Variants in CKAP5 observed in about 807,000 individuals in gnomAD.
CKAP5 encodes cytoskeleton associated protein 5.
Under a neutral mutation model 232.8 loss-of-function variants are expected in CKAP5, and 27 were observed. The ratio of observed to expected loss-of-function variants is 0.12; its 90% CI spans 0.09 to 0.16. CKAP5 has a LOEUF of 0.16. Ranked by LOEUF, CKAP5 falls within the 10% of genes least tolerant of loss-of-function variation. The probability of loss-of-function intolerance (pLI) is 1.00; values close to 1 mark genes in which losing one functional copy is unlikely to be tolerated. For synonymous variants in CKAP5, 785 were observed against 841.1 expected, an observed-to-expected ratio of 0.93 and a Z score of 1.16; for missense variants, 1,838 against 2,424.7, an observed-to-expected ratio of 0.76 and a Z score of 5.08.
At chr11:46,814,884 C>T (rs1251413974) in intron 4 of CKAP5, among the ~76,000 whole-genome samples, 2 of 152,170 alleles carry the variant, frequency 1.3e-5, no homozygotes, top group Admixed American at 6.5e-5. Context: ...CTTTAGTCCA[C>T]AAACTTTATC....
chr11:46,745,365 G>A (rs1455365781), intron 42 of CKAP5, among the ~76,000 whole-genome samples: 4 of 152,136 alleles, frequency 2.6e-5, no homozygotes, highest in Non-Finnish European at 1.5e-5. Flanking sequence ...TCCTCTGAGG[G>A]GGTGAAAAAT....
chr11:46,770,888 T>C lies in CKAP5; in HGVS notation c.3086A>G (p.Asp1029Gly). Residue 1029 changes from aspartate to glycine, a missense_variant, in exon 25 of 44, where the codon GAT becomes GGT. This residue lies in a region of CKAP5 where 767 missense variants were observed against 954.6 expected (regional missense o/e 0.80). Transcript: ENST00000529230. ...CVPHLYSCLE[D>G]RNGDVRKKAQ... Reference sequence around the variant, plus strand: ...CTTCTTTCGCACATCTCCATTTCGATCTTCTAGGCAGGAGTAGAGATGAGG... The same window carrying C: ...CTTCTTTCGCACATCTCCATTTCGACCTTCTAGGCAGGAGTAGAGATGAGG... 6.2e-7 allele frequency: 1 copy of C among 1,614,168 alleles called. No homozygotes were observed. Among genetic ancestry groups the C allele is most frequent in the South Asian group, 1.1e-5 (1 of 91,086 alleles).
In CKAP5 at chr11:46,767,616, G is replaced by T; in HGVS notation, c.3370C>A (p.Pro1124Thr). The change falls in exon 27 of 44, where the codon CCA becomes ACA. Residue 1124 changes from proline (P) to threonine (T), a missense_variant. By Grantham distance (38) the Pro-to-Thr change is conservative (BLOSUM62 -1). Transcript: ENST00000529230. ...ISSSTEPKPD[P>T]KKAKAPGLSS... is the part of the protein sequence containing the mutation. Reference sequence around the variant, plus strand: ...AATCCTGGAGCTTTGGCCTTTTTTGGATCAGGTTTGGGTTCTGTACTGCTG... The same window carrying T: ...AATCCTGGAGCTTTGGCCTTTTTTGTATCAGGTTTGGGTTCTGTACTGCTG... 1 of 1,612,628 alleles carries T rather than the reference G, an allele frequency of 6.2e-7. No individual in the cohort carries two copies. The highest frequency in any genetic ancestry group is 8.5e-7 in the Non-Finnish European group (1 of 1,179,198).
chr11:46,749,239 G>C (rs1243974359), intron 42 of CKAP5, among the ~76,000 whole-genome samples: 1 of 151,756 alleles, frequency 6.6e-6, no homozygotes, highest in Admixed American at 6.6e-5. Flanking sequence ...TGGATCACCT[G>C]AGGTCAGGAG....
chr11:46,775,307 G>A (rs559514702), intron 24 of CKAP5, among the ~76,000 whole-genome samples: 1 of 152,010 alleles, frequency 6.6e-6, no homozygotes, highest in Non-Finnish European at 1.5e-5. Flanking sequence ...AGTTAGAATG[G>A]CGATCATTAA....
intron 35 of CKAP5, among the ~76,000 whole-genome samples, chr11:46,757,667 AACC>A (rs951601684): frequency 6.6e-6 from 1 of 151,840 alleles, no homozygotes; most frequent in Non-Finnish European, 1.5e-5. Context: ...GGCTCACTGC[AACC>A]TCTGCCTCCT....
intron 16 of CKAP5, among the ~76,000 whole-genome samples, chr11:46,787,721 A>C (rs1158991203): frequency 6.6e-6 from 1 of 152,208 alleles, no homozygotes; most frequent in African/African-American, 2.4e-5. Flanking sequence ...ATATATCTAA[A>C]TTATACAAAT....
intron 1 of CKAP5, among the ~76,000 whole-genome samples, chr11:46,825,268 T>C (rs1939626349): frequency 6.6e-6 from 1 of 152,154 alleles, no homozygotes; most frequent in Non-Finnish European, 1.5e-5. Flanking sequence ...TATCCCATCA[T>C]AAAAGAGACC....
rs2065085288 is a variant in CKAP5, at chr11:46,753,453, T to A, written c.4914A>T (p.Val1638=). 6.2e-7 allele frequency: 1 copy of A among 1,613,848 alleles called. No individual in the cohort carries two copies. Among genetic ancestry groups the A allele is most frequent in the East Asian group, 2.2e-5 (1 of 44,860 alleles). ...ESLAREASTG[V]LKDLMHGLIT... ...TGAGGCCATGCATTAGGTCTTTTAG[T>A]ACTCCAGTGGAGGCCTCCCGGGCAA... The change falls in exon 37 of 44, where the codon GTA becomes GTT. Residue 1638 remains valine (V), a synonymous_variant. Coordinates refer to ENST00000529230, the MANE Select transcript of CKAP5 (RefSeq NM_001008938.4).
intron 1 of CKAP5, among the ~76,000 whole-genome samples, chr11:46,835,722 C>G (rs1411752847): frequency 6.6e-6 from 1 of 152,068 alleles, no homozygotes; most frequent in Non-Finnish European, 1.5e-5. Flanking sequence ...TACAAAATTC[C>G]GAATATATGT....
rs1408030107 is a variant in CKAP5, at chr11:46,752,193, T to TATATAC, written c.5133+441_5133+442insGTATAT. Among the ~76,000 whole-genome samples, 44 of 66,526 alleles carry TATATAC rather than the reference T, an allele frequency of 6.6e-4. 1 individual carries two copies. Among genetic ancestry groups the TATATAC allele is most frequent in the African/African-American group, 2.1e-3 (42 of 19,574 alleles). The allele number at this position is 66,526 out of a possible 152,430, so 43.6% of individuals were successfully genotyped here. On this transcript the variant is annotated intron_variant, in intron 38 of 43. Transcript: ENST00000529230. ...ATATATATATATATATATATATATA[T>TATATAC]ACACACACACACACACACACACACA...
At chr11:46,770,551 C>G (rs2065238855) in intron 25 of CKAP5, among the ~76,000 whole-genome samples, 1 of 152,154 alleles carries the variant, frequency 6.6e-6, no homozygotes, top group Non-Finnish European at 1.5e-5. Flanking sequence ...CCTGCCTCAC[C>G]CTCCCAAGTA....
chr11:46,815,918 C>G (rs1227322159), intron 4 of CKAP5, among the ~76,000 whole-genome samples: 1 of 152,118 alleles, frequency 6.6e-6, no homozygotes, highest in Non-Finnish European at 1.5e-5. Context: ...AGGAGGTGAA[C>G]AGCTACCAAG....
At chr11:46,824,963 T>C (rs1939620051) in intron 1 of CKAP5, among the ~76,000 whole-genome samples, 2 of 152,150 alleles carry the variant, frequency 1.3e-5, no homozygotes, top group Non-Finnish European at 2.9e-5. Context: ...CTCTCAGATT[T>C]TATCCCAGTC....
intron 8 of CKAP5, among the ~76,000 whole-genome samples, chr11:46,804,361 T>G (rs1939105911): frequency 6.6e-6 from 1 of 152,154 alleles, no homozygotes; most frequent in African/African-American, 2.4e-5. Context: ...GATGGAGAAG[T>G]GTTTATTTTT....
intron 4 of CKAP5, among the ~76,000 whole-genome samples, chr11:46,813,640 T>A (rs921489770): frequency 1.4e-4 from 22 of 152,174 alleles, no homozygotes; most frequent in African/African-American, 5.3e-4. Context: ...CCCAGAGAGC[T>A]ACCTAGTTAA....
intron 2 of CKAP5, 89 bp downstream of exon 2, chr11:46,821,086 G>A: frequency 1.2e-6 from 1 of 859,122 alleles, no homozygotes; most frequent in Non-Finnish European, 1.8e-6. Flanking sequence ...AACTGCCAAT[G>A]TTTTCACACA....
At chr11:46,795,501 C>G in intron 13 of CKAP5, 93 bp downstream of exon 13, 1 of 1,013,474 alleles carries the variant, frequency 9.9e-7, no homozygotes, top group Non-Finnish European at 1.4e-6. Flanking sequence ...CCAATGAATT[C>G]ATTTCTCAAA....
chr11:46,763,716 A>G (rs767189014), intron 28 of CKAP5, 86 bp from the exon 29 acceptor site: 4 of 836,940 alleles, frequency 4.8e-6, no homozygotes, highest in Non-Finnish European at 6.7e-6. Flanking sequence ...CTGCAGGAAC[A>G]ATAAAATATT....
Sources: allele counts gnomAD v4.1 joint callset (sites outside exome capture counted in the v4.1 genomes callset), GRCh38; gene constraint gnomAD v4.1.1; regional missense constraint gnomAD v4.1.1; transcripts MANE v1.5; gene names NCBI Gene and HGNC (gene_info 2026-07-23, HGNC 2026-07-21).